DOT1L: variants seen among roughly 807,000 people sequenced by gnomAD.
DOT1L encodes the protein DOT1 like histone lysine methyltransferase.
Under a neutral mutation model 153.3 loss-of-function variants are expected in DOT1L, and 33 were observed. That is an observed-to-expected ratio of 0.22 (90% CI 0.16 to 0.29). DOT1L has a LOEUF of 0.29. DOT1L is among the 10% of genes least tolerant of loss of function. The pLI, the probability that DOT1L is intolerant of heterozygous loss-of-function variation, is 1.00. For synonymous variants in DOT1L, 1,135 were observed against 965.1 expected (o/e 1.18, Z -3.26); for missense variants, 1,847 against 2,119.9 (o/e 0.87, Z 2.53).
chr19:2,176,733 T>C lies in DOT1L; in HGVS notation c.82-3980T>C, dbSNP rs1433141163. Among the ~76,000 whole-genome samples, 3 of 152,136 alleles carry C rather than the reference T, an allele frequency of 2.0e-5. No individual in the cohort carries two copies. In the East Asian group the frequency reaches 5.8e-4, roughly 29 times the overall value. Reference sequence around the variant, plus strand: ...AAACACTGCCAGCCAGACATGCAGCTCCCGCGGCCACCACTTTGAGACAGC... The same window carrying C: ...AAACACTGCCAGCCAGACATGCAGCCCCCGCGGCCACCACTTTGAGACAGC... On this transcript the variant is annotated intron_variant, in intron 1 of 27. Transcript: ENST00000398665.
chr19:2,193,346 C>T lies in DOT1L; in HGVS notation c.494-343C>T, dbSNP rs2022880185. 6.6e-6 allele frequency among the ~76,000 whole-genome samples: 1 copy of T among 152,230 alleles called. No homozygotes were observed. Among genetic ancestry groups the T allele is most frequent in the Non-Finnish European group, 1.5e-5 (1 of 68,030 alleles). On this transcript the variant is annotated intron_variant, in intron 5 of 27. Transcript: ENST00000398665. This position sits in a 1 kb window ranked among gnomAD's most constrained non-coding sequence, Gnocchi z 5.9. ...CGTGGGGATAATTTGAGGTGGACGG[C>T]AGCCTTTCCAGACCTGCAAAGTCTT...
intron 27 of DOT1L, chr19:2,227,695 G>A: frequency 7.7e-7 from 1 of 1,296,102 alleles, no homozygotes; most frequent in Non-Finnish European, 1.0e-6. Flanking sequence ...TTGCCTGGAT[G>A]CTGCCGCTTG....
intron 8 of DOT1L, among the ~76,000 whole-genome samples, chr19:2,200,422 G>A (rs1415912218): frequency 3.3e-5 from 5 of 152,194 alleles, no homozygotes; most frequent in Non-Finnish European, 7.4e-5. Flanking sequence ...AGGCCTGGGA[G>A]CTCAGGGCAC....
intron 2 of DOT1L, among the ~76,000 whole-genome samples, chr19:2,183,712 C>T (rs1051941557): frequency 2.0e-5 from 3 of 151,698 alleles, no homozygotes; most frequent in Non-Finnish European, 2.9e-5. Flanking sequence ...CTGCAGCCTC[C>T]GTCTCCGGGG....
intron 27 of DOT1L, chr19:2,229,063 G>A (rs971750424): frequency 9.1e-6 from 9 of 985,352 alleles, no homozygotes; most frequent in Non-Finnish European, 1.1e-5. Context: ...ACAGCCGAGG[G>A]GCTTTCAGCT....
At chr19:2,165,586 C>T (rs765313376) in intron 1 of DOT1L, among the ~76,000 whole-genome samples, 4 of 152,214 alleles carry the variant, frequency 2.6e-5, no homozygotes, top group African/African-American at 4.8e-5. Context: ...TTCAGCGCCC[C>T]GACCGGTTTC....
chr19:2,195,106 T>C (rs1453404607), intron 7 of DOT1L, among the ~76,000 whole-genome samples: 1 of 151,770 alleles, frequency 6.6e-6, no homozygotes, highest in African/African-American at 2.4e-5. Flanking sequence ...GGGTGTGCGC[T>C]CCCCTTTCAG....
rs551749263 is a variant in DOT1L at position 2,189,571 on chromosome 19, G to A, written c.201-161G>A. ...CAAACCTGAAATCTCCTGCATCAGG[G>A]CGGAAAGCGAGGCTTCTGCCAGAAG... On this transcript the variant is annotated intron_variant, in intron 3 of 27. Coordinates refer to ENST00000398665, the MANE Select transcript of DOT1L (RefSeq NM_032482.3). 8.5e-5 allele frequency among the ~76,000 whole-genome samples: 13 copies of A among 152,350 alleles called. No homozygotes were observed. The East Asian group carries it at 2.5e-3, about 29-fold the overall frequency.
intron 7 of DOT1L, among the ~76,000 whole-genome samples, chr19:2,194,809 C>T (rs1002844348): frequency 2.6e-5 from 4 of 152,214 alleles, no homozygotes; most frequent in Non-Finnish European, 5.9e-5. Context: ...TTCTGTCCCT[C>T]GGCAGCATGC....
rs2144929829 is a variant in DOT1L at position 2,226,287 on chromosome 19, T to A, written c.3766T>A (p.Ser1256Thr). 1 of 1,597,512 alleles carries A rather than the reference T, an allele frequency of 6.3e-7. No individual in the cohort carries two copies. Among genetic ancestry groups the A allele is most frequent in the Non-Finnish European group, 8.5e-7 (1 of 1,172,176 alleles). ...SPISDIGLAKSADSPLQASSA... is the reference protein window; with the variant it reads ...SPISDIGLAKTADSPLQASSA... ...CATCTCCGACATCGGCCTGGCCAAG[T>A]CGGCGGACAGCCCGCTGCAGGCCAG... Residue 1256 changes from serine to threonine, a missense_variant, in exon 27 of 28, where the codon TCG becomes ACG. Around this residue, in one of 8 missense-constraint regions of DOT1L, gnomAD observed 934 missense variants for 825.3 expected, o/e 1.13. Coordinates refer to ENST00000398665, the MANE Select transcript of DOT1L (RefSeq NM_032482.3).
At chr19:2,169,879 AG>A (rs1568324918) in intron 1 of DOT1L, among the ~76,000 whole-genome samples, 1 of 152,242 alleles carries the variant, frequency 6.6e-6, no homozygotes, top group Non-Finnish European at 1.5e-5. Context: ...ACGGTTGCCC[AG>A]GCACGGTGGC....
chr19:2,199,589 G>A (rs1229018543), intron 7 of DOT1L, among the ~76,000 whole-genome samples: 1 of 152,232 alleles, frequency 6.6e-6, no homozygotes, highest in East Asian at 1.9e-4. Context: ...TGGCTTGCAG[G>A]TGTGTGTTGG....
At chr19:2,199,853 G>A (rs1249820752) in intron 7 of DOT1L, 31 bp from the exon 8 acceptor site, 1 of 1,610,520 alleles carries the variant, frequency 6.2e-7, no homozygotes, top group Non-Finnish European at 8.5e-7. Flanking sequence ...GGAGGCCGGG[G>A]GTCCGCGCTC....
chr19:2,187,705 G>T (rs181206464), intron 3 of DOT1L, among the ~76,000 whole-genome samples: 1 of 152,146 alleles, frequency 6.6e-6, no homozygotes, highest in Non-Finnish European at 1.5e-5. Flanking sequence ...GATGGATCAC[G>T]AGGTCAGGAG....
Position 2,211,245 on chromosome 19 carries a change from C to G in DOT1L, c.1465+33C>G, listed in dbSNP as rs537802034. On this transcript the variant is annotated intron_variant, in intron 15 of 27. Transcript: ENST00000398665. ...CGTGTGAGGCGTCCGGCGAAGGGTT[C>G]TGGGCTTGGGGTCATCCCAGGAGGA... The G allele has an allele frequency of 3.6e-5, 56 of 1,561,084 alleles. No individual in the cohort carries two copies. The East Asian group carries it at 4.1e-4, about 11-fold the overall frequency.
chr19:2,228,306 C>T lies in DOT1L; in HGVS notation c.4606+1179C>T, dbSNP rs777165914. On this transcript the variant is annotated intron_variant, in intron 27 of 27. Coordinates refer to ENST00000398665, the MANE Select transcript of DOT1L (RefSeq NM_032482.3). The stretch of plus-strand genomic sequence containing the variant: ...GGTGTGGGTGTCCCTCGGCATGCCG[C>T]CTCCCTATGCCGCGCACCTTTCGGG... 6.7e-6 allele frequency: 9 copies of T among 1,347,432 alleles called. No individual in the cohort carries two copies. The East Asian group carries it at 1.8e-4, about 28-fold the overall frequency. The allele number at this position is 1,347,432 out of a possible 1,614,324, so 83.5% of individuals were successfully genotyped here.
At chr19:2,228,227 C>T in intron 27 of DOT1L, 5 of 1,363,576 alleles carry the variant, frequency 3.7e-6, no homozygotes, top group Non-Finnish European at 4.9e-6. Context: ...CCCGGCTGGC[C>T]CTGGCCCAGG....
chr19:2,230,914 C>T lies in DOT1L; in HGVS notation c.*1122C>T, dbSNP rs2024571068. On this transcript the variant is annotated 3_prime_UTR_variant, in exon 28 of 28. Transcript: ENST00000398665. ...ACGCCTGGCACCCATCCCTTGGAGC[C>T]TGTGCTGGTTCTCCCAGCTGCTGTG... 6.9e-6 allele frequency: 2 copies of T among 289,462 alleles called. No individual in the cohort carries two copies. The highest frequency in any genetic ancestry group is 1.3e-5 in the Non-Finnish European group (2 of 156,736). The allele number at this position is 289,462 out of a possible 1,614,324, so 17.9% of individuals were successfully genotyped here. A position where few individuals can be genotyped will look rare whatever the true frequency, so the allele number is the denominator to read the frequency against.
intron 1 of DOT1L, among the ~76,000 whole-genome samples, chr19:2,179,977 T>C (rs2022152826): frequency 6.6e-6 from 1 of 152,022 alleles, no homozygotes. Flanking sequence ...TTCTCGGTGA[T>C]GGGTGTGGAG....
Sources: allele counts gnomAD v4.1 joint callset (sites outside exome capture counted in the v4.1 genomes callset), GRCh38; gene constraint gnomAD v4.1.1; regional missense constraint gnomAD v4.1.1; non-coding constraint Gnocchi (gnomAD v3.1); transcripts MANE v1.5; gene names NCBI Gene and HGNC (gene_info 2026-07-23, HGNC 2026-07-21).